ARHGAP20: variants seen among roughly 807,000 people sequenced by gnomAD.
The protein encoded by ARHGAP20 is Rho GTPase activating protein 20, also known as rho GTPase-activating protein 20.
ARHGAP20 carries 34 observed loss-of-function variants against 73.7 expected under a neutral mutation model. The ratio of observed to expected loss-of-function variants is 0.46; its 90% CI spans 0.35 to 0.61. ARHGAP20 has a LOEUF of 0.61. Ranked by LOEUF, ARHGAP20 falls within the 20% of genes least tolerant of loss-of-function variation. ARHGAP20 has a pLI of 0.00. For missense variants in ARHGAP20, 1,314 were observed against 1,420.9 expected, an observed-to-expected ratio of 0.92 and a Z score of 1.21; for synonymous variants, 523 against 518.2, an observed-to-expected ratio of 1.01 and a Z score of -0.13.
At chr11:110,648,717 G>A (rs530831337) in intron 2 of ARHGAP20, among the ~76,000 whole-genome samples, 20 of 151,930 alleles carry the variant, frequency 1.3e-4, no homozygotes, top group African/African-American at 2.9e-4. Context: ...TCCTGACCTC[G>A]AGAGATCCAC....
intron 2 of ARHGAP20, among the ~76,000 whole-genome samples, chr11:110,671,451 T>C (rs1182010462): frequency 6.6e-6 from 1 of 152,050 alleles, no homozygotes; most frequent in Non-Finnish European, 1.5e-5. Context: ...ATAAAGACAA[T>C]ACGTCTGCTC....
chr11:110,666,169 G>A (rs529365966), intron 2 of ARHGAP20, among the ~76,000 whole-genome samples: 2 of 152,214 alleles, frequency 1.3e-5, no homozygotes, highest in Non-Finnish European at 2.9e-5. Flanking sequence ...ACAAAAATGT[G>A]CAAGACATTG....
intron 9 of ARHGAP20, among the ~76,000 whole-genome samples, chr11:110,596,683 A>T (rs980117531): frequency 9.2e-5 from 14 of 152,118 alleles, no homozygotes; most frequent in Middle Eastern, 3.2e-3. Context: ...ACACTTTTAC[A>T]CTGTTGGTGG....
chr11:110,590,598 C>T (rs527331719), intron 11 of ARHGAP20, 50 bp downstream of exon 11: 28 of 1,502,360 alleles, frequency 1.9e-5, no homozygotes, highest in Non-Finnish European at 2.4e-5. Flanking sequence ...AAAACACCCT[C>T]TTTCTCTAGA....
chr11:110,705,925 C>T (rs1950545506), intron 1 of ARHGAP20, among the ~76,000 whole-genome samples: 1 of 152,174 alleles, frequency 6.6e-6, no homozygotes, highest in Non-Finnish European at 1.5e-5. Flanking sequence ...TCTTGAAGTA[C>T]ATCTGCCTTA....
intron 9 of ARHGAP20, among the ~76,000 whole-genome samples, chr11:110,603,434 C>T (rs1424875205): frequency 1.3e-5 from 2 of 152,074 alleles, no homozygotes; most frequent in Non-Finnish European, 2.9e-5. Flanking sequence ...TGCTTACATA[C>T]AAAGTTTATA....
chr11:110,693,777 G>A (rs540060549), intron 1 of ARHGAP20, among the ~76,000 whole-genome samples: 2 of 151,804 alleles, frequency 1.3e-5, no homozygotes, highest in Non-Finnish European at 2.9e-5. Context: ...TCTTTTACAG[G>A]TGTATAATAG....
chr11:110,650,388 G>T (rs754109746), intron 2 of ARHGAP20, among the ~76,000 whole-genome samples: 6 of 152,290 alleles, frequency 3.9e-5, no homozygotes, highest in Non-Finnish European at 7.4e-5. Context: ...ATCTGCATCT[G>T]TGGTGCTACA....
At chr11:110,656,155 G>C (rs1482598815) in intron 2 of ARHGAP20, among the ~76,000 whole-genome samples, 1 of 152,094 alleles carries the variant, frequency 6.6e-6, no homozygotes, top group Non-Finnish European at 1.5e-5. Flanking sequence ...GGACTATGTG[G>C]AGGGGGTGGG....
chr11:110,583,332 T>C (rs1947525447), intron 13 of ARHGAP20, among the ~76,000 whole-genome samples: 1 of 152,230 alleles, frequency 6.6e-6, no homozygotes, highest in Non-Finnish European at 1.5e-5. Context: ...GTTTTAATCA[T>C]GGTGTTTAGC....
chr11:110,675,479 A>T (rs79904903), intron 2 of ARHGAP20, among the ~76,000 whole-genome samples: 2,047 of 152,206 alleles, frequency 0.013, 53 homozygotes, highest in African/African-American at 0.046. Context: ...CATTTTTTCC[A>T]TGGATGGTGG....
intron 1 of ARHGAP20, among the ~76,000 whole-genome samples, chr11:110,708,415 G>C (rs1950587856): frequency 6.6e-6 from 1 of 151,568 alleles, no homozygotes; most frequent in African/African-American, 2.4e-5. Flanking sequence ...CCAAAATGAA[G>C]TCCATGCAAA....
chr11:110,610,968 T>C lies in ARHGAP20; in HGVS notation c.708+341A>G, dbSNP rs139215521. On this transcript the variant is annotated intron_variant, in intron 7 of 14. Coordinates refer to ENST00000683387, the MANE Select transcript of ARHGAP20 (RefSeq NM_001384657.1). ...AGGGGAAAAGTCAAATTGTGACCAG[T>C]AGCAAGGGGAGAAGGAGGATGAAAC... Among the ~76,000 whole-genome samples, 384 of 152,126 alleles carry C rather than the reference T, an allele frequency of 2.5e-3. 3 individuals are homozygous for C. Among genetic ancestry groups the C allele is most frequent in the African/African-American group, 8.9e-3 (370 of 41,542 alleles).
chr11:110,590,204 T>G (rs1947790011), intron 11 of ARHGAP20, among the ~76,000 whole-genome samples: 1 of 152,088 alleles, frequency 6.6e-6, no homozygotes, highest in South Asian at 2.1e-4. Context: ...TTTATTTCAA[T>G]TGTGAGCCAA....
At chr11:110,627,285 G>A (rs1948766548) in intron 3 of ARHGAP20, among the ~76,000 whole-genome samples, 1 of 151,998 alleles carries the variant, frequency 6.6e-6, no homozygotes, top group Admixed American at 6.6e-5. Flanking sequence ...AGAGATGGGG[G>A]TTTTGCCATG....
rs561335714 is a variant in ARHGAP20, at chr11:110,650,321, C to G, written c.189-19529G>C. ...TTGCAGAATTAATAGCTAAACAAAA[C>G]AGCATCCTTAGTTTCTTCTATAACT... On this transcript the variant is annotated intron_variant, in intron 2 of 14. Transcript: ENST00000683387. Among the ~76,000 whole-genome samples, 14 of 152,234 alleles carry G rather than the reference C, an allele frequency of 9.2e-5. No individual in the cohort carries two copies. The East Asian group carries it at 2.7e-3, about 29-fold the overall frequency.
In ARHGAP20 at chr11:110,577,243, A is replaced by AG; in HGVS notation, c.*2126dup. The stretch of plus-strand genomic sequence containing the variant: ...TACAAACTCAAAGCATTTTAGATAA[A>AG]GCATCAGTCTAATATATTATAGATT... On this transcript the variant is annotated 3_prime_UTR_variant, in exon 15 of 15. Coordinates refer to ENST00000683387, the MANE Select transcript of ARHGAP20 (RefSeq NM_001384657.1). 6.7e-7 allele frequency: 1 copy of AG among 1,486,070 alleles called. No homozygotes were observed. The highest frequency in any genetic ancestry group is 1.4e-5 in the African/African-American group (1 of 71,680). The allele number at this position is 1,486,070 out of a possible 1,614,324, so 92.1% of individuals were successfully genotyped here.
intron 1 of ARHGAP20, among the ~76,000 whole-genome samples, chr11:110,701,913 G>T (rs900520632): frequency 4.3e-4 from 66 of 152,170 alleles, no homozygotes; most frequent in Admixed American, 1.1e-3. Flanking sequence ...CGTTATTTCT[G>T]AGTGCTCTGT....
intron 1 of ARHGAP20, among the ~76,000 whole-genome samples, chr11:110,694,629 T>G (rs887633132): frequency 6.6e-6 from 1 of 151,706 alleles, no homozygotes; most frequent in Non-Finnish European, 1.5e-5. Context: ...TATTCAACTC[T>G]GTGTGTTCCT....
Sources: gnomAD v4.1 joint callset for allele counts (sites outside exome capture counted in the v4.1 genomes callset) on GRCh38, gnomAD v4.1.1 for gene constraint, MANE v1.5 for transcripts, NCBI Gene and HGNC (gene_info 2026-07-23, HGNC 2026-07-21) for gene names.